ZNF195: variants seen among roughly 807,000 people sequenced by gnomAD.
The protein encoded by ZNF195 is hypoxia-regulated factor-1.
Under a neutral mutation model 19.5 loss-of-function variants are expected in ZNF195, and 11 were observed. The observed-to-expected ratio is 0.57, with a 90% CI of 0.36 to 0.94. ZNF195 has a LOEUF of 0.94. ZNF195 is among the 40% of genes least tolerant of loss of function. ZNF195 has a pLI of 0.01. For synonymous variants in ZNF195, 214 were observed against 248.1 expected (o/e 0.86, Z 1.29); for missense variants, 582 against 709.0 (o/e 0.82, Z 2.03).
At chr11:3,361,689 A>G in intron 4 of ZNF195, 54 bp downstream of exon 4, 1 of 1,290,790 alleles carries the variant, frequency 7.7e-7, no homozygotes, top group Non-Finnish European at 1.0e-6. Flanking sequence ...CAAAGGAGAA[A>G]AGAATCCTGA....
intron 1 of ZNF195, among the ~76,000 whole-genome samples, chr11:3,378,639 C>T (rs80283878): frequency 0.01 from 1,591 of 152,324 alleles, 37 homozygotes; most frequent in African/African-American, 0.036. Flanking sequence ...ATGGTTGGGT[C>T]CTCTGCCATT....
chr11:3,370,880 G>A, intron 3 of ZNF195, 95 bp downstream of exon 3: 2 of 1,248,470 alleles, frequency 1.6e-6, no homozygotes, highest in East Asian at 2.3e-5. Flanking sequence ...ATCTCCACTA[G>A]GGCAGAGCTT....
At chr11:3,368,395 G>A (rs1345831054) in intron 3 of ZNF195, among the ~76,000 whole-genome samples, 2 of 152,104 alleles carry the variant, frequency 1.3e-5, no homozygotes, top group African/African-American at 2.4e-5. Flanking sequence ...CTCACTTCAG[G>A]CCAGAAGTTC....
At chr11:3,372,519 G>A (rs992726640) in intron 1 of ZNF195, among the ~76,000 whole-genome samples, 7 of 152,154 alleles carry the variant, frequency 4.6e-5, no homozygotes, top group Non-Finnish European at 1.0e-4. Context: ...AAATCATACC[G>A]AAACCTTAGT....
intron 3 of ZNF195, chr11:3,369,471 A>G (rs1301051825): frequency 8.8e-6 from 4 of 452,862 alleles, no homozygotes; most frequent in Non-Finnish European, 1.8e-5. Flanking sequence ...ACAATTGTCA[A>G]GATATAAAGA....
chr11:3,370,223 CACACATAT>C (rs1849133278), intron 3 of ZNF195, among the ~76,000 whole-genome samples: 1 of 151,634 alleles, frequency 6.6e-6, no homozygotes, highest in Admixed American at 6.6e-5. Flanking sequence ...CACATATATA[CACACATAT>C]ATACATATGC....
chr11:3,376,526 T>A (rs1849472397), intron 1 of ZNF195, among the ~76,000 whole-genome samples: 1 of 152,212 alleles, frequency 6.6e-6, no homozygotes, highest in Admixed American at 6.5e-5. Context: ...TTCTTGGGCT[T>A]CAACTTCCCA....
intron 1 of ZNF195, chr11:3,375,386 C>T (rs370627690): frequency 6.6e-6 from 1 of 152,080 alleles, no homozygotes; most frequent in African/African-American, 2.4e-5. Flanking sequence ...TTTTCTAGGA[C>T]AGATATGGTA....
chr11:3,375,047 G>C (rs972690456), intron 1 of ZNF195, among the ~76,000 whole-genome samples: 12 of 152,192 alleles, frequency 7.9e-5, no homozygotes, highest in African/African-American at 2.9e-4. Context: ...TAACTCTGTA[G>C]TTAAACTCCA....
At chr11:3,369,547 TACTC>T in intron 3 of ZNF195, 1 of 440,014 alleles carries the variant, frequency 2.3e-6, no homozygotes, top group Non-Finnish European at 4.6e-6. Flanking sequence ...AATAGAATAT[TACTC>T]AGCCATAAAA....
intron 1 of ZNF195, among the ~76,000 whole-genome samples, chr11:3,375,844 A>G (rs6578341): frequency 0.74 from 112,159 of 152,010 alleles, 41,856 homozygotes; most frequent in Middle Eastern, 0.8. Context: ...AAGCACAGAT[A>G]GACCGTTTTG....
At chr11:3,369,162 C>G (rs186785922) in intron 3 of ZNF195, 410 of 258,452 alleles carry the variant, frequency 1.6e-3, no homozygotes, top group African/African-American at 8.6e-3. Flanking sequence ...CATATTAGGG[C>G]TGTGCAAAAG....
chr11:3,378,438 T>G (rs1322704999), intron 1 of ZNF195, among the ~76,000 whole-genome samples: 1 of 152,042 alleles, frequency 6.6e-6, no homozygotes, highest in Non-Finnish European at 1.5e-5. Context: ...GAAACAAAAT[T>G]CAGGCTTCGT....
chr11:3,373,806 A>G (rs1849328278), intron 1 of ZNF195: 2 of 582,410 alleles, frequency 3.4e-6, no homozygotes, highest in Admixed American at 3.1e-5. Flanking sequence ...AAACTTCTAC[A>G]TGGAGATCAA....
intron 3 of ZNF195, among the ~76,000 whole-genome samples, chr11:3,364,868 A>G (rs1454123055): frequency 6.6e-6 from 1 of 152,250 alleles, no homozygotes; most frequent in Non-Finnish European, 1.5e-5. Flanking sequence ...TTGAACAGAA[A>G]TAAAATAGCT....
Position 3,371,614 on chromosome 11 carries a change from A to C in ZNF195, c.93T>G (p.Asp31Glu), listed in dbSNP as rs1849215879. Residue 31 changes from aspartate to glutamate, a missense_variant, in exon 2 of 6, where the codon GAT becomes GAG. Physicochemically the swap from Asp to Glu is conservative, Grantham distance 45. Coordinates refer to ENST00000399602, the MANE Select transcript of ZNF195 (RefSeq NM_001130520.3). ...AGTTTCTGTAGTTCTCCAACATCAC[A>C]TCCCTGTACAAATTCTGCTGAGCGA... is the stretch of plus-strand genomic sequence containing the variant. ...LDLAQQNLYR[D>E]VMLENYRNLF... 2.5e-6 allele frequency: 4 copies of C among 1,613,992 alleles called. No homozygotes were observed. Among genetic ancestry groups the C allele is most frequent in the Non-Finnish European group, 3.4e-6 (4 of 1,180,000 alleles).
intron 3 of ZNF195, chr11:3,362,203 T>C (rs1305339692): frequency 8.8e-5 from 22 of 251,088 alleles, no homozygotes. Context: ...AAGGGCTACA[T>C]TACCACTACA....
At chr11:3,368,042 C>T (rs1449837060) in intron 3 of ZNF195, among the ~76,000 whole-genome samples, 2 of 151,652 alleles carry the variant, frequency 1.3e-5, no homozygotes, top group East Asian at 1.9e-4. Flanking sequence ...CGCCATTGCA[C>T]TCCAGCCTGG....
chr11:3,373,709 TACC>T lies in ZNF195; in HGVS notation c.4-2009_4-2007del. 9.7e-6 allele frequency: 13 copies of T among 1,335,058 alleles called. 1 individual carries two copies. In the South Asian group the frequency reaches 1.0e-4, roughly 10 times the overall value. 82.7% of individuals were successfully genotyped at this position (1,335,058 alleles called of 1,614,324 possible). The stretch of plus-strand genomic sequence containing the variant: ...GTGTTAGCACAACCCCTTCACCTGC[TACC>T]ACCACAACCATCAACAGAAAGACCA... On this transcript the variant is annotated intron_variant, in intron 1 of 5. Coordinates refer to ENST00000399602, the MANE Select transcript of ZNF195 (RefSeq NM_001130520.3).
Sources: allele counts gnomAD v4.1 joint callset (sites outside exome capture counted in the v4.1 genomes callset), GRCh38; gene constraint gnomAD v4.1.1; transcripts MANE v1.5; gene names NCBI Gene and HGNC (gene_info 2026-07-23, HGNC 2026-07-21).